The following TRIO variants were observed in gnomAD, a reference collection of about 807,000 sequenced individuals.
The protein encoded by TRIO is trio Rho guanine nucleotide exchange factor.
Under a neutral mutation model 351.9 loss-of-function variants are expected in TRIO, and 58 were observed. The observed-to-expected ratio is 0.16, with a 90% confidence interval of 0.13 to 0.21. The LOEUF is 0.21. TRIO is among the 10% of genes least tolerant of loss of function. The probability of loss-of-function intolerance (pLI) is 1.00; values close to 1 mark genes in which losing one functional copy is unlikely to be tolerated. For missense variants in TRIO, 3,201 were observed against 4,027.8 expected, an observed-to-expected ratio of 0.79 and a Z score of 5.56; for synonymous variants, 1,758 against 1,595.7, an observed-to-expected ratio of 1.10 and a Z score of -2.42.
At chr5:14,168,980 C>G (rs1186748903) in intron 1 of TRIO, among the ~76,000 whole-genome samples, 1 of 152,234 alleles carries the variant, frequency 6.6e-6, no homozygotes, top group African/African-American at 2.4e-5. Flanking sequence ...ACTGTCCTAC[C>G]TGCAATCTGG....
intron 9 of TRIO, among the ~76,000 whole-genome samples, chr5:14,320,348 T>C (rs1045192561): frequency 6.6e-6 from 1 of 152,224 alleles, no homozygotes; most frequent in Non-Finnish European, 1.5e-5. Context: ...CTGCCTCAAC[T>C]GTTCGGCTGG....
At chr5:14,291,312 G>A (rs1736881737) in intron 5 of TRIO, 84 bp downstream of exon 5, 4 of 1,442,326 alleles carry the variant, frequency 2.8e-6, no homozygotes, top group African/African-American at 1.4e-5. Context: ...GAGAAAAGGT[G>A]GAGAATGGTA....
At chr5:14,263,937 C>G (rs886476294) in intron 1 of TRIO, among the ~76,000 whole-genome samples, 10 of 152,142 alleles carry the variant, frequency 6.6e-5, no homozygotes, top group Non-Finnish European at 1.3e-4. Flanking sequence ...GTGCTTGTCC[C>G]TGGGGATCCA....
At chr5:14,276,194 C>T (rs538681360) in intron 2 of TRIO, among the ~76,000 whole-genome samples, 64 of 152,214 alleles carry the variant, frequency 4.2e-4, no homozygotes, top group African/African-American at 1.4e-3. Context: ...TTGCAGAGTA[C>T]TGCATTTCCC....
intron 47 of TRIO, among the ~76,000 whole-genome samples, chr5:14,486,759 G>A (rs1755945944): frequency 6.6e-6 from 1 of 152,178 alleles, no homozygotes; most frequent in South Asian, 2.1e-4. Context: ...CCTGCTTCTT[G>A]CACACCCCTT....
At chr5:14,257,182 T>C (rs1231721985) in intron 1 of TRIO, among the ~76,000 whole-genome samples, 3 of 152,238 alleles carry the variant, frequency 2.0e-5, no homozygotes, top group Non-Finnish European at 4.4e-5. Context: ...AGTCGCGGCT[T>C]TCCGCCCTCT....
intron 11 of TRIO, among the ~76,000 whole-genome samples, chr5:14,350,059 C>A (rs940974401): frequency 6.6e-6 from 1 of 152,146 alleles, no homozygotes; most frequent in Admixed American, 6.5e-5. Flanking sequence ...CACGATCTTT[C>A]TTTTTTATGA....
chr5:14,158,635 C>G (rs1195330704), intron 1 of TRIO, among the ~76,000 whole-genome samples: 1 of 152,102 alleles, frequency 6.6e-6, no homozygotes, highest in African/African-American at 2.4e-5. Context: ...AGTTTGAGAC[C>G]AGCCTGGGCA....
chr5:14,329,851 C>T (rs1740747004), intron 9 of TRIO, among the ~76,000 whole-genome samples: 1 of 152,162 alleles, frequency 6.6e-6, no homozygotes, highest in South Asian at 2.1e-4. Context: ...CCCACATATA[C>T]CAAAACCTAT....
At position 14,213,282 on chromosome 5, in the gene TRIO, A is replaced by G. The variant is rs190798207; in HGVS notation, c.158-57543A>G. On this transcript the variant is annotated intron_variant, in intron 1 of 56. Coordinates refer to ENST00000344204, the MANE Select transcript of TRIO (RefSeq NM_007118.4). ...CTCTCTCAAAAGTTATTTCTAAATT[A>G]TCAGGTTAATATATGTAAACTAATA... Among the ~76,000 whole-genome samples the G allele has an allele frequency of 8.6e-5, 13 of 151,632 alleles. No homozygotes were observed. In the East Asian group the frequency reaches 2.1e-3, roughly 25 times the overall value.
chr5:14,474,179 T>C (rs1754880038), intron 40 of TRIO, 82 bp downstream of exon 40: 2 of 1,358,984 alleles, frequency 1.5e-6, no homozygotes, highest in Non-Finnish European at 1.0e-6. Context: ...AAAGGGAATT[T>C]ATTCTGTTCA....
intron 6 of TRIO, 74 bp downstream of exon 6, chr5:14,293,208 A>G (rs1737057457): frequency 2.5e-6 from 4 of 1,599,996 alleles, no homozygotes; most frequent in Non-Finnish European, 3.4e-6. Flanking sequence ...GGCAAATTGT[A>G]TGCTAGGGCT....
chr5:14,305,928 A>G (rs1738328242), intron 8 of TRIO, among the ~76,000 whole-genome samples: 1 of 152,240 alleles, frequency 6.6e-6, no homozygotes, highest in Non-Finnish European at 1.5e-5. Context: ...ACAGTTGCCT[A>G]CAGTATTCAG....
chr5:14,412,582 A>T (rs1439931150), intron 33 of TRIO, among the ~76,000 whole-genome samples: 1 of 152,172 alleles, frequency 6.6e-6, no homozygotes, highest in African/African-American at 2.4e-5. Flanking sequence ...GAGGTGTCCT[A>T]CACCCTTCCC....
At chr5:14,352,665 A>G (rs1743245704) in intron 11 of TRIO, among the ~76,000 whole-genome samples, 1 of 152,230 alleles carries the variant, frequency 6.6e-6, no homozygotes, top group Admixed American at 6.5e-5. Flanking sequence ...CTGTAGGACC[A>G]GACAGAAAAA....
intron 1 of TRIO, among the ~76,000 whole-genome samples, chr5:14,231,358 A>G (rs1793415573): frequency 6.6e-6 from 1 of 152,244 alleles, no homozygotes; most frequent in Non-Finnish European, 1.5e-5. Context: ...GGCTTTTTCA[A>G]CAGATGTTGG....
At chr5:14,299,362 G>A (rs369276777) in intron 7 of TRIO, among the ~76,000 whole-genome samples, 1 of 152,188 alleles carries the variant, frequency 6.6e-6, no homozygotes, top group Non-Finnish European at 1.5e-5. Context: ...CAGAGAAGAA[G>A]CCAAATAGGA....
intron 1 of TRIO, among the ~76,000 whole-genome samples, chr5:14,262,045 C>T (rs563382102): frequency 6.6e-6 from 1 of 152,230 alleles, no homozygotes; most frequent in African/African-American, 2.4e-5. Context: ...TTGTAGAGTA[C>T]CACGTGTTTG....
intron 31 of TRIO, among the ~76,000 whole-genome samples, chr5:14,404,557 C>T (rs73749237): frequency 0.018 from 2,739 of 152,204 alleles, 88 homozygotes; most frequent in African/African-American, 0.062. Flanking sequence ...TTTAGTTGAC[C>T]TTCCAAATAC....
Sources: gnomAD v4.1 joint callset for allele counts (sites outside exome capture counted in the v4.1 genomes callset) on GRCh38, gnomAD v4.1.1 for gene constraint, MANE v1.5 for transcripts, NCBI Gene and HGNC (gene_info 2026-07-23, HGNC 2026-07-21) for gene names.